IFT80: variants seen among roughly 807,000 people sequenced by gnomAD.
IFT80 encodes the protein intraflagellar transport 80.
In IFT80, 79 loss-of-function variants were observed where a neutral mutation model predicts 107.9. The observed-to-expected ratio is 0.73, with a 90% CI of 0.61 to 0.88. The LOEUF (loss-of-function observed/expected upper bound fraction) is 0.88, where lower values mean the gene tolerates loss of function less well. IFT80 is among the 40% of genes least tolerant of loss of function. IFT80 has a pLI of 0.00. For missense variants in IFT80, 797 were observed against 914.2 expected, an observed-to-expected ratio of 0.87 and a Z score of 1.65; for synonymous variants, 299 against 300.9, an observed-to-expected ratio of 0.99 and a Z score of 0.07.
In IFT80 at chr3:160,349,086, T is replaced by C. The variant is rs973201744; in HGVS notation, c.777+6927A>G. ...CATTTTAAATGGGTAAAATGTGTCA[T>C]ATACAAATTGTATCCTGATAAATTT... On this transcript the variant is annotated intron_variant, in intron 8 of 19. Transcript: ENST00000326448. Among the ~76,000 whole-genome samples the C allele has an allele frequency of 4.6e-5, 7 of 150,874 alleles. No homozygotes were observed. The Admixed American group carries it at 4.7e-4, about 10-fold the overall frequency.
chr3:160,295,639 C>T (rs1170859204), intron 12 of IFT80, among the ~76,000 whole-genome samples: 6 of 152,052 alleles, frequency 3.9e-5, no homozygotes, highest in Admixed American at 2.6e-4. Context: ...AGCAATCCCA[C>T]ATCTGAGTGT....
chr3:160,344,041 C>CT (rs1720107043), intron 8 of IFT80, among the ~76,000 whole-genome samples: 1 of 152,166 alleles, frequency 6.6e-6, no homozygotes, highest in Admixed American at 6.6e-5. Flanking sequence ...TTGAGAAAGG[C>CT]TGTACCAGTT....
intron 8 of IFT80, among the ~76,000 whole-genome samples, chr3:160,348,742 ATTAT>A (rs1381128544): frequency 1.3e-5 from 2 of 152,262 alleles, no homozygotes; most frequent in African/African-American, 2.4e-5. Flanking sequence ...GTGATGAAAT[ATTAT>A]TTGTCTATAA....
intron 12 of IFT80, chr3:160,299,333 A>G: frequency 1.6e-6 from 1 of 631,770 alleles, no homozygotes; most frequent in African/African-American, 2.0e-5. Context: ...CCAGTATAAG[A>G]GGTGCTATTA....
At chr3:160,399,007 C>T (rs1450918271) in intron 1 of IFT80, 139 bp downstream of exon 1, 1 of 152,202 alleles carries the variant, frequency 6.6e-6, no homozygotes, top group African/African-American at 2.4e-5. Context: ...AAAGCTACAC[C>T]CGGAGCCCCG....
intron 8 of IFT80, among the ~76,000 whole-genome samples, chr3:160,325,297 A>C (rs1407319801): frequency 6.6e-6 from 1 of 152,150 alleles, no homozygotes; most frequent in Admixed American, 6.5e-5. Flanking sequence ...GTTCATATGG[A>C]ACCAAAAAAG....
At chr3:160,285,910 A>T in intron 12 of IFT80, 42 bp from the exon 13 acceptor site, 2 of 1,370,266 alleles carry the variant, frequency 1.5e-6, no homozygotes, top group Non-Finnish European at 2.1e-6. Context: ...TTATATTAGA[A>T]TTTTTACTGG....
chr3:160,395,833 T>C (rs994320008), intron 1 of IFT80, among the ~76,000 whole-genome samples: 2 of 152,318 alleles, frequency 1.3e-5, no homozygotes, highest in Admixed American at 6.5e-5. Flanking sequence ...ACAATATTTG[T>C]TTTTTCTCAA....
chr3:160,265,422 C>G (rs1053855629), intron 19 of IFT80, among the ~76,000 whole-genome samples: 1 of 152,172 alleles, frequency 6.6e-6, no homozygotes, highest in South Asian at 2.1e-4. Context: ...ATTTCTTTCA[C>G]TCTTTTTCTT....
chr3:160,347,727 A>G (rs1465678369), intron 8 of IFT80, among the ~76,000 whole-genome samples: 1 of 152,208 alleles, frequency 6.6e-6, no homozygotes, highest in East Asian at 1.9e-4. Context: ...GTGATTAAAC[A>G]TGATCCTTCT....
At chr3:160,371,657 G>C (rs1012317526) in intron 5 of IFT80, among the ~76,000 whole-genome samples, 8 of 152,096 alleles carry the variant, frequency 5.3e-5, no homozygotes, top group Non-Finnish European at 1.0e-4. Flanking sequence ...TGCCCAGGCT[G>C]ATCTCCAGCT....
At chr3:160,270,617 G>A (rs1713722198) in intron 18 of IFT80, among the ~76,000 whole-genome samples, 1 of 152,058 alleles carries the variant, frequency 6.6e-6, no homozygotes, top group Admixed American at 6.6e-5. Flanking sequence ...AGAATGTAAA[G>A]TTACTAGAAT....
chr3:160,280,926 C>T, intron 14 of IFT80, 112 bp from the exon 15 acceptor site: 1 of 888,374 alleles, frequency 1.1e-6, no homozygotes, highest in Non-Finnish European at 1.8e-6. Flanking sequence ...GTAGATATGA[C>T]TCTACTTTCT....
rs559349500 is a variant in IFT80 at position 160,310,042 on chromosome 3, G to GA, written c.958-2262dup. 1.3e-4 allele frequency among the ~76,000 whole-genome samples: 19 copies of GA among 150,478 alleles called. No individual in the cohort carries two copies. The South Asian group carries it at 3.6e-3, about 28-fold the overall frequency. ...TCCCAGTGTAGACTCAAGTAAAAAC[G>GA]AAAAAAAAATTTTATCTAGAAGTAA... On this transcript the variant is annotated intron_variant, in intron 9 of 19. Transcript: ENST00000326448.
At chr3:160,378,727 A>C (rs749541272) in intron 3 of IFT80, among the ~76,000 whole-genome samples, 9 of 152,038 alleles carry the variant, frequency 5.9e-5, no homozygotes, top group Admixed American at 2.6e-4. Flanking sequence ...AAAATTTAAA[A>C]ATGATAATAA....
intron 9 of IFT80, among the ~76,000 whole-genome samples, chr3:160,309,504 G>A (rs1043306077): frequency 2.6e-5 from 4 of 152,244 alleles, no homozygotes; most frequent in Admixed American, 1.3e-4. Flanking sequence ...TGGCTAATGC[G>A]GTGAAACCCT....
chr3:160,358,402 A>G (rs889542773), intron 6 of IFT80, among the ~76,000 whole-genome samples: 1 of 152,042 alleles, frequency 6.6e-6, no homozygotes, highest in Non-Finnish European at 1.5e-5. Context: ...TCTAAGTTTC[A>G]TTCACTTTAT....
intron 19 of IFT80, among the ~76,000 whole-genome samples, chr3:160,266,905 T>C (rs1398758343): frequency 6.6e-6 from 1 of 152,088 alleles, no homozygotes; most frequent in East Asian, 1.9e-4. Flanking sequence ...AGCACTGTTT[T>C]GGTGGTGGCT....
chr3:160,352,895 C>A (rs1720816578), intron 8 of IFT80, among the ~76,000 whole-genome samples: 1 of 152,184 alleles, frequency 6.6e-6, no homozygotes, highest in Admixed American at 6.5e-5. Context: ...AGGCCAACGT[C>A]ATCATTTTCT....
Sources: gnomAD v4.1 joint callset for allele counts (sites outside exome capture counted in the v4.1 genomes callset) on GRCh38, gnomAD v4.1.1 for gene constraint, MANE v1.5 for transcripts, NCBI Gene and HGNC (gene_info 2026-07-23, HGNC 2026-07-21) for gene names.